The following RIMS2 variants were observed in gnomAD, a reference collection of about 807,000 sequenced individuals.
The protein encoded by RIMS2 is regulating synaptic membrane exocytosis protein 2.
A neutral mutation model predicts 174.4 loss-of-function variants in RIMS2; 59 were observed. The observed-to-expected ratio is 0.34, with a 90% CI of 0.27 to 0.42. RIMS2 has a LOEUF of 0.42. Ranked by LOEUF, RIMS2 falls within the 10% of genes least tolerant of loss-of-function variation. RIMS2 has a pLI of 1.00. For missense variants in RIMS2, 1,620 were observed against 1,666.3 expected, an observed-to-expected ratio of 0.97 and a Z score of 0.48; for synonymous variants, 606 against 572.5, an observed-to-expected ratio of 1.06 and a Z score of -0.84.
intron 1 of RIMS2, among the ~76,000 whole-genome samples, chr8:103,558,514 G>A (rs1318563627): frequency 4.6e-5 from 7 of 152,154 alleles, no homozygotes; most frequent in Admixed American, 6.5e-5. Context: ...ATGAGCCACC[G>A]TGCCTGCCCC....
chr8:104,110,397 G>T (rs1480887557), intron 19 of RIMS2, among the ~76,000 whole-genome samples: 4 of 152,098 alleles, frequency 2.6e-5, no homozygotes, highest in Non-Finnish European at 5.9e-5. Context: ...ATTTCTTGCT[G>T]CCTCTAACCA....
chr8:103,906,337 C>T (rs1483354364), intron 4 of RIMS2, among the ~76,000 whole-genome samples: 18 of 152,190 alleles, frequency 1.2e-4, no homozygotes, highest in Non-Finnish European at 2.1e-4. Flanking sequence ...CTCCGCCTTC[C>T]GGGTTCAAAT....
intron 1 of RIMS2, among the ~76,000 whole-genome samples, chr8:103,621,818 T>C (rs2095641854): frequency 6.6e-6 from 1 of 152,168 alleles, no homozygotes; most frequent in African/African-American, 2.4e-5. Context: ...TTTTGAGACA[T>C]TGATGCACAT....
intron 4 of RIMS2, among the ~76,000 whole-genome samples, chr8:103,888,391 T>C (rs2099219874): frequency 6.6e-6 from 1 of 151,590 alleles, no homozygotes; most frequent in South Asian, 2.1e-4. Flanking sequence ...TATATAGAGA[T>C]TTTATTTTCC....
chr8:104,110,272 C>G (rs2098156460), intron 19 of RIMS2, among the ~76,000 whole-genome samples: 1 of 152,056 alleles, frequency 6.6e-6, no homozygotes, highest in South Asian at 2.1e-4. Flanking sequence ...GTTCAGGGTT[C>G]CTTCCACTTC....
At chr8:104,173,869 A>T (rs73301311) in intron 19 of RIMS2, among the ~76,000 whole-genome samples, 8,815 of 151,192 alleles carry the variant, frequency 0.058, 393 homozygotes, top group Middle Eastern at 0.14. Flanking sequence ...ATTAAATCTG[A>T]TTCTAGGACT....
exon 3 of RIMS2, chr8:103,766,455 T>C: frequency 6.2e-7 from 1 of 1,613,822 alleles, no homozygotes. Flanking sequence ...GAAAAGTCGA[T>C]CTCATGGGCT....
At chr8:103,597,528 C>T (rs1003452704) in intron 1 of RIMS2, among the ~76,000 whole-genome samples, 1 of 152,112 alleles carries the variant, frequency 6.6e-6, no homozygotes, top group Non-Finnish European at 1.5e-5. Flanking sequence ...AGGTCCCACA[C>T]CTCCTGCCTC....
chr8:103,703,215 C>T (rs1231584417), intron 2 of RIMS2, among the ~76,000 whole-genome samples: 3 of 151,466 alleles, frequency 2.0e-5, no homozygotes, highest in Non-Finnish European at 2.9e-5. Flanking sequence ...TCTCACACTT[C>T]CGTCATTGTT....
chr8:103,541,251 A>C (rs771161419), intron 1 of RIMS2, among the ~76,000 whole-genome samples: 1 of 152,216 alleles, frequency 6.6e-6, no homozygotes, highest in Non-Finnish European at 1.5e-5. Context: ...GAAGAGAAAC[A>C]AACCACACAT....
chr8:103,506,898 A>C (rs1234720794), intron 1 of RIMS2, among the ~76,000 whole-genome samples: 1 of 152,152 alleles, frequency 6.6e-6, no homozygotes, highest in Non-Finnish European at 1.5e-5. Flanking sequence ...ACTGACATCA[A>C]GTTATTGGTA....
intron 1 of RIMS2, among the ~76,000 whole-genome samples, chr8:103,522,354 T>C (rs1832128858): frequency 6.6e-6 from 1 of 152,144 alleles, no homozygotes; most frequent in African/African-American, 2.4e-5. Context: ...GATACTTTGA[T>C]TAACAATTCT....
chr8:103,580,444 CAT>C (rs112895766), intron 1 of RIMS2, among the ~76,000 whole-genome samples: 9 of 113,294 alleles, frequency 7.9e-5, no homozygotes, highest in East Asian at 4.5e-4. Flanking sequence ...TATATGTGTG[CAT>C]GTGTGTGTGT....
chr8:103,915,162 A>G (rs1268743088), intron 6 of RIMS2, among the ~76,000 whole-genome samples: 1 of 152,086 alleles, frequency 6.6e-6, no homozygotes. Flanking sequence ...TGTTTATATA[A>G]TTAATGATAC....
At chr8:104,166,792 T>G (rs2098800843) in intron 19 of RIMS2, among the ~76,000 whole-genome samples, 1 of 152,028 alleles carries the variant, frequency 6.6e-6, no homozygotes, top group South Asian at 2.1e-4. Flanking sequence ...AACCTTCCCT[T>G]CTGAATCCCC....
At chr8:103,666,608 AT>A (rs1271077964) in intron 1 of RIMS2, among the ~76,000 whole-genome samples, 7 of 152,076 alleles carry the variant, frequency 4.6e-5, no homozygotes, top group Admixed American at 3.9e-4. Context: ...AGAGAAAAAC[AT>A]TTCTGGTCTT....
intron 1 of RIMS2, among the ~76,000 whole-genome samples, chr8:103,546,953 A>G (rs954059021): frequency 3.9e-5 from 6 of 152,124 alleles, no homozygotes; most frequent in Non-Finnish European, 8.8e-5. Context: ...GATTACAATT[A>G]TCTTGAGTTA....
chr8:103,616,973 A>T (rs62527085), intron 1 of RIMS2, among the ~76,000 whole-genome samples: 7,728 of 152,288 alleles, frequency 0.051, 275 homozygotes, highest in Middle Eastern at 0.078. Context: ...ATTTGGTGCT[A>T]TTCTTACCAA....
At position 103,993,626 on chromosome 8, in the gene RIMS2, C is replaced by T. The variant is rs1345150122; in HGVS notation, c.3044+4205C>T. Among the ~76,000 whole-genome samples, 6 of 152,094 alleles carry T rather than the reference C, an allele frequency of 3.9e-5. No homozygotes were observed. The East Asian group carries it at 7.7e-4, about 20-fold the overall frequency. ...AATTCACTTTACAAAAATAATATAACGTTTTATTTTACTTATTTTATTTGC... is the reference window on the plus strand; with the variant it reads ...AATTCACTTTACAAAAATAATATAATGTTTTATTTTACTTATTTTATTTGC... On this transcript the variant is annotated intron_variant, in intron 17 of 23. Coordinates refer to ENST00000504942, the Ensembl canonical transcript of RIMS2.
Sources: allele counts gnomAD v4.1 joint callset (sites outside exome capture counted in the v4.1 genomes callset), GRCh38; gene constraint gnomAD v4.1.1; transcripts MANE v1.5; gene names NCBI Gene and HGNC (gene_info 2026-07-23, HGNC 2026-07-21).